The following INTS12 variants were observed in gnomAD, a reference collection of about 807,000 sequenced individuals.
INTS12 encodes the protein integrator complex subunit 12.
In INTS12, 13 loss-of-function variants were observed where a neutral mutation model predicts 41.6. That is an observed-to-expected ratio of 0.31 (90% CI 0.20 to 0.50). The LOEUF (loss-of-function observed/expected upper bound fraction) is 0.50, where lower values mean the gene tolerates loss of function less well. Ranked by LOEUF, INTS12 falls within the 20% of genes least tolerant of loss-of-function variation. INTS12 has a pLI of 0.98. For missense variants in INTS12, 432 were observed against 541.6 expected, an observed-to-expected ratio of 0.80 and a Z score of 2.01; for synonymous variants, 199 against 191.4, an observed-to-expected ratio of 1.04 and a Z score of -0.33.
At chr4:105,693,021 A>C (rs1731742593) in intron 5 of INTS12, among the ~76,000 whole-genome samples, 1 of 152,210 alleles carries the variant, frequency 6.6e-6, no homozygotes, top group Admixed American at 6.5e-5. Context: ...ATATATCATA[A>C]TATAATAATC....
At chr4:105,704,567 C>A (rs1483865825) in intron 1 of INTS12, among the ~76,000 whole-genome samples, 1 of 152,182 alleles carries the variant, frequency 6.6e-6, no homozygotes, top group Non-Finnish European at 1.5e-5. Flanking sequence ...TCTATATAGT[C>A]TTTTGCCAGT....
chr4:105,705,426 G>A (rs887535292), intron 1 of INTS12: 2 of 152,160 alleles, frequency 1.3e-5, no homozygotes, highest in Admixed American at 1.3e-4. Flanking sequence ...ATATTACCAT[G>A]TAGTAATAAG....
intron 1 of INTS12, among the ~76,000 whole-genome samples, chr4:105,707,227 C>T (rs1017810368): frequency 2.4e-4 from 36 of 152,226 alleles, no homozygotes; most frequent in African/African-American, 8.4e-4. Flanking sequence ...TGCTGTGCCC[C>T]TCTCCATTCC....
At chr4:105,687,475 T>C (rs1731537002) in intron 6 of INTS12, among the ~76,000 whole-genome samples, 1 of 152,184 alleles carries the variant, frequency 6.6e-6, no homozygotes, top group Admixed American at 6.5e-5. Flanking sequence ...TTTTGACCAA[T>C]AACTGATTTT....
intron 7 of INTS12, among the ~76,000 whole-genome samples, chr4:105,683,792 G>A (rs1033161252): frequency 1.3e-5 from 2 of 151,990 alleles, no homozygotes; most frequent in Non-Finnish European, 2.9e-5. Flanking sequence ...AAGAGATTCA[G>A]TCAATATTTA....
Position 105,695,615 on chromosome 4 carries a change from C to A in INTS12, c.210G>T (p.Glu70Asp), listed in dbSNP as rs772786860. Residue 70 changes from glutamate (E) to aspartate (D), a missense_variant, in exon 4 of 8, where the codon GAG becomes GAT. By Grantham distance (45) the Glu-to-Asp change is conservative (BLOSUM62 2). This residue lies in a region of INTS12 where 168 missense variants were observed against 198.9 expected (regional missense o/e 0.84). Coordinates refer to ENST00000340139, the MANE Select transcript of INTS12 (RefSeq NM_020395.4). ...AAGGAAGACTGGATGATATTTTGGG[C>A]TCTTGCTTAATGGAAATGTTTTTTG... ...SSTKNISIKQEPKISSSLPSG... is the reference protein window; with the variant it reads ...SSTKNISIKQDPKISSSLPSG... 3.1e-6 allele frequency: 5 copies of A among 1,613,140 alleles called. No homozygotes were observed. In the South Asian group the frequency reaches 5.5e-5, roughly 18 times the overall value.
chr4:105,707,945 T>C (rs923258929), intron 1 of INTS12: 1 of 985,238 alleles, frequency 1.0e-6, no homozygotes, highest in Admixed American at 6.1e-5. Context: ...AAGTCCAAAG[T>C]TGATCATATG....
At chr4:105,691,880 T>A in intron 6 of INTS12, 96 bp downstream of exon 6, 1 of 886,906 alleles carries the variant, frequency 1.1e-6, no homozygotes, top group South Asian at 2.3e-5. Flanking sequence ...TTATTTATTT[T>A]TTCAATATCT....
At chr4:105,698,156 C>G (rs74464047) in intron 3 of INTS12, among the ~76,000 whole-genome samples, 7 of 152,286 alleles carry the variant, frequency 4.6e-5, no homozygotes, top group Admixed American at 2.0e-4. Flanking sequence ...AAAAGTTGTT[C>G]TAGTTGTTGA....
intron 7 of INTS12, 110 bp from the exon 8 acceptor site, chr4:105,683,427 T>C (rs1028531557): frequency 3.7e-6 from 3 of 816,630 alleles, no homozygotes; most frequent in Admixed American, 5.8e-5. Context: ...AATTAGGTTC[T>C]TATGAAGCTG....
At position 105,700,101 on chromosome 4, in the gene INTS12, T is replaced by C. The variant is rs141157660; in HGVS notation, c.-9-87A>G. The C allele has an allele frequency of 3.1e-4, 259 of 832,426 alleles. 2 individuals are homozygous for C. The East Asian group carries it at 6.1e-3, about 20-fold the overall frequency. 51.6% of individuals were successfully genotyped at this position (832,426 alleles called of 1,614,324 possible). A position where few individuals can be genotyped will look rare whatever the true frequency, so the allele number is the denominator to read the frequency against. The stretch of plus-strand genomic sequence containing the variant: ...TACTTTTCTGTTTTTTAATTTGTAA[T>C]AGATAATACTGTACACATGATATAA... On this transcript the variant is annotated intron_variant, in intron 2 of 7. Coordinates refer to ENST00000340139, the MANE Select transcript of INTS12 (RefSeq NM_020395.4).
At chr4:105,683,347 G>C (rs1731391717) in intron 7 of INTS12, 30 bp from the exon 8 acceptor site, 1 of 1,489,372 alleles carries the variant, frequency 6.7e-7, no homozygotes, top group African/African-American at 1.4e-5. Context: ...AATTACATTA[G>C]AGCCAAGTTT....
intron 2 of INTS12, among the ~76,000 whole-genome samples, chr4:105,702,135 T>TC (rs1467749957): frequency 1.4e-5 from 2 of 139,740 alleles, no homozygotes; most frequent in African/African-American, 5.3e-5. Flanking sequence ...TATTTCTTTT[T>TC]TTTTTTTTTT....
At chr4:105,696,673 T>C (rs1325684037) in intron 3 of INTS12, among the ~76,000 whole-genome samples, 2 of 152,348 alleles carry the variant, frequency 1.3e-5, no homozygotes, top group East Asian at 3.9e-4. Context: ...TGAATATTCA[T>C]GTACAAGTAT....
In INTS12 at chr4:105,686,828, G is replaced by C; in HGVS notation, c.668C>G (p.Thr223Ser). Residue 223 changes from threonine to serine, a missense_variant, in exon 7 of 8, where the codon ACT becomes AGT. Thr to Ser is a moderately conservative substitution (Grantham distance 58). Transcript: ENST00000340139. ...GGCTGGTTTCTGCGGTGGTTTCTGA[G>C]TTTTTTGAGCCTGCAAAAATCAGTG... is the stretch of plus-strand genomic sequence containing the variant. ...TRQMKRMAQK[T>S]QKPPQKPAPA... 1 of 1,613,618 alleles carries C rather than the reference G, an allele frequency of 6.2e-7. No homozygotes were observed. Among genetic ancestry groups the C allele is most frequent in the East Asian group, 2.2e-5 (1 of 44,842 alleles).
rs950826694 is a variant in INTS12, at chr4:105,702,130, CTTTTTTTTTTTTT to C, written c.-10+1505_-10+1517del. On this transcript the variant is annotated intron_variant, in intron 2 of 7. Coordinates refer to ENST00000340139, the MANE Select transcript of INTS12 (RefSeq NM_020395.4). ...TTAACTTTTTAATTTATTTCTATTT[CTTTTTTTTTTTTT>C]TTTTTTTTTTGAGACAGAGTCTCGC... Among the ~76,000 whole-genome samples, 245 of 109,504 alleles carry C rather than the reference CTTTTTTTTTTTTT, an allele frequency of 2.2e-3. No individual in the cohort carries two copies. The Middle Eastern group carries it at 0.046, about 21-fold the overall frequency. The allele number at this position is 109,504 out of a possible 152,430, so 71.8% of individuals were successfully genotyped here. A position where few individuals can be genotyped will look rare whatever the true frequency, so the allele number is the denominator to read the frequency against.
At chr4:105,689,225 T>C (rs1175146622) in intron 6 of INTS12, among the ~76,000 whole-genome samples, 3 of 152,224 alleles carry the variant, frequency 2.0e-5, no homozygotes, top group Non-Finnish European at 4.4e-5. Context: ...ACAACATTCT[T>C]AACTAGGTCT....
chr4:105,696,913 C>T (rs1016814756), intron 3 of INTS12, among the ~76,000 whole-genome samples: 7 of 152,124 alleles, frequency 4.6e-5, no homozygotes, highest in Non-Finnish European at 7.4e-5. Context: ...AGTGATATCT[C>T]ATTTAGATTT....
At chr4:105,685,717 G>A (rs1188543686) in intron 7 of INTS12, among the ~76,000 whole-genome samples, 1 of 151,666 alleles carries the variant, frequency 6.6e-6, no homozygotes, top group Non-Finnish European at 1.5e-5. Context: ...ATTGGAATGT[G>A]TACCTCAGTA....
Sources: gnomAD v4.1 joint callset for allele counts (sites outside exome capture counted in the v4.1 genomes callset) on GRCh38, gnomAD v4.1.1 for gene constraint, gnomAD v4.1.1 regional missense constraint, MANE v1.5 for transcripts, NCBI Gene and HGNC (gene_info 2026-07-23, HGNC 2026-07-21) for gene names.